The following NPEPPS variants were observed in gnomAD, a reference collection of about 807,000 sequenced individuals.
NPEPPS encodes aminopeptidase puromycin sensitive, also known as puromycin-sensitive aminopeptidase.
NPEPPS carries 14 observed loss-of-function variants against 115.5 expected under a neutral mutation model. That is an observed-to-expected ratio of 0.12 (90% CI 0.08 to 0.19). The LOEUF is 0.19. NPEPPS is among the 10% of genes least tolerant of loss of function. NPEPPS has a pLI of 1.00. For synonymous variants in NPEPPS, 285 were observed against 390.6 expected, an observed-to-expected ratio of 0.73 and a Z score of 3.19; for missense variants, 523 against 1,110.8, an observed-to-expected ratio of 0.47 and a Z score of 7.52.
Position 47,596,471 on chromosome 17 carries a change from A to G in NPEPPS, c.1536+9A>G, listed in dbSNP as rs768161947. On this transcript the variant is annotated intron_variant, in intron 13 of 22. Transcript: ENST00000322157. ...ATGTGGAAGCTGAACAGGTAAACAT[A>G]TAAAGTCTTTCCATTTGTCTGATAT... The G allele has an allele frequency of 2.1e-5, 32 of 1,511,458 alleles. No individual in the cohort carries two copies. In the East Asian group the frequency reaches 7.1e-4, roughly 33 times the overall value. 93.6% of individuals were successfully genotyped at this position (1,511,458 alleles called of 1,614,324 possible).
intron 14 of NPEPPS, among the ~76,000 whole-genome samples, chr17:47,600,032 C>T (rs1222946949): frequency 6.6e-6 from 1 of 152,064 alleles, no homozygotes; most frequent in African/African-American, 2.4e-5. Context: ...GTTGGCCAGA[C>T]TGGTCTTGAA....
chr17:47,572,964 T>TG (rs1479186201), intron 3 of NPEPPS, among the ~76,000 whole-genome samples: 8 of 152,208 alleles, frequency 5.3e-5, no homozygotes, highest in African/African-American at 1.7e-4. Flanking sequence ...TTAGTAGAGT[T>TG]GGGGTTTCAC....
intron 12 of NPEPPS, among the ~76,000 whole-genome samples, chr17:47,592,832 G>T (rs140762682): frequency 6.6e-6 from 1 of 152,104 alleles, no homozygotes; most frequent in Non-Finnish European, 1.5e-5. Flanking sequence ...ACATGTGCGG[G>T]CCATGTTGGT....
intron 1 of NPEPPS, among the ~76,000 whole-genome samples, chr17:47,542,697 C>T (rs1386860384): frequency 1.3e-5 from 2 of 152,178 alleles, no homozygotes; most frequent in Non-Finnish European, 2.9e-5. Context: ...CTATACTTAC[C>T]TGCCTCAGGA....
chr17:47,596,745 T>C (rs1405978532), intron 13 of NPEPPS, among the ~76,000 whole-genome samples: 2 of 152,204 alleles, frequency 1.3e-5, no homozygotes, highest in Non-Finnish European at 2.9e-5. Flanking sequence ...CAAGGTTGGT[T>C]TAACATTTTT....
intron 2 of NPEPPS, among the ~76,000 whole-genome samples, chr17:47,557,019 A>G (rs1301675447): frequency 1.3e-5 from 2 of 152,072 alleles, no homozygotes; most frequent in East Asian, 3.9e-4. Flanking sequence ...ATTGCTTTGT[A>G]GACCTCAGTT....
intron 19 of NPEPPS, 102 bp downstream of exon 19, chr17:47,613,827 A>G (rs1914023542): frequency 1.2e-6 from 1 of 816,338 alleles, no homozygotes; most frequent in South Asian, 1.6e-5. Flanking sequence ...TAGAAAAGAA[A>G]GATGCATATT....
chr17:47,531,560 A>G lies in NPEPPS; in HGVS notation c.255+5A>G. The stretch of plus-strand genomic sequence containing the variant: ...AAGCTGGAGGCCGCCGCCCAGGTAC[A>G]GCGACCCTCGGGCCCCGGGGCAAGC... On this transcript the variant is annotated splice_donor_5th_base_variant and intron_variant, in intron 1 of 22. Coordinates refer to ENST00000322157, the MANE Select transcript of NPEPPS (RefSeq NM_006310.4). The G allele has an allele frequency of 6.3e-7, 1 of 1,598,372 alleles. No homozygotes were observed. Among genetic ancestry groups the G allele is most frequent in the Non-Finnish European group, 8.5e-7 (1 of 1,174,392 alleles).
At chr17:47,581,059 C>T (rs1911846236) in intron 4 of NPEPPS, 2 of 152,160 alleles carry the variant, frequency 1.3e-5, no homozygotes, top group African/African-American at 4.8e-5. Context: ...GTAGTACAAT[C>T]AGCTTACAAT....
rs1038638721 is a variant in NPEPPS, at chr17:47,538,403, C to G, written c.255+6848C>G. 5.4e-5 allele frequency among the ~76,000 whole-genome samples: 8 copies of G among 148,698 alleles called. No homozygotes were observed. In the Admixed American group the frequency reaches 5.4e-4, roughly 10 times the overall value. On this transcript the variant is annotated intron_variant, in intron 1 of 22. Coordinates refer to ENST00000322157, the MANE Select transcript of NPEPPS (RefSeq NM_006310.4). The stretch of plus-strand genomic sequence containing the variant: ...CTAATTTTTGTATTTTTCTAGAGAC[C>G]AGGTTTCGCCATGTTAGCTAGGCTG...
intron 2 of NPEPPS, among the ~76,000 whole-genome samples, chr17:47,559,190 T>C (rs912767643): frequency 1.3e-5 from 2 of 152,152 alleles, no homozygotes; most frequent in African/African-American, 4.8e-5. Context: ...ACTACAGATA[T>C]ACGCTACCGT....
chr17:47,555,192 A>G (rs1358910837), intron 2 of NPEPPS, among the ~76,000 whole-genome samples: 1 of 152,190 alleles, frequency 6.6e-6, no homozygotes, highest in African/African-American at 2.4e-5. Flanking sequence ...AAGGACTACC[A>G]TCAAGATACT....
rs543559258 is a variant in NPEPPS, at chr17:47,538,202, C to CTTTTTTTTTTTTTTTTTTTTTT, written c.255+6649_255+6670dup. On this transcript the variant is annotated intron_variant, in intron 1 of 22. Transcript: ENST00000322157. ...GCCACCGCGCCTAGCCATATCTGTTCTTTTTTTTTTTTTTTTTTTTTTTGA... is the reference window on the plus strand; with the variant it reads ...GCCACCGCGCCTAGCCATATCTGTTCTTTTTTTTTTTTTTTTTTTTTTTTTTTTTTTTTTTTTTTTTTTTTGA... 3.2e-4 allele frequency among the ~76,000 whole-genome samples: 19 copies of CTTTTTTTTTTTTTTTTTTTTTT among 58,496 alleles called. 1 individual carries two copies. The highest frequency in any genetic ancestry group is 4.7e-4 in the Non-Finnish European group (14 of 29,668). The allele number at this position is 58,496 out of a possible 152,430, so 38.4% of individuals were successfully genotyped here. A position where few individuals can be genotyped will look rare whatever the true frequency, so the allele number is the denominator to read the frequency against.
At chr17:47,556,073 CTTTTTTT>C (rs747406184) in intron 2 of NPEPPS, among the ~76,000 whole-genome samples, 7 of 80,736 alleles carry the variant, frequency 8.7e-5, no homozygotes, top group East Asian at 3.5e-4. Flanking sequence ...AAGCAATTCT[CTTTTTTT>C]TTTTTTTTTT....
intron 1 of NPEPPS, among the ~76,000 whole-genome samples, chr17:47,535,622 T>C (rs1289530042): frequency 6.6e-6 from 1 of 151,036 alleles, no homozygotes; most frequent in East Asian, 1.9e-4. Context: ...AATTTGTTAT[T>C]ATACAGAAGT....
chr17:47,556,801 G>T (rs1453553839), intron 2 of NPEPPS, among the ~76,000 whole-genome samples: 1 of 152,092 alleles, frequency 6.6e-6, no homozygotes, highest in Non-Finnish European at 1.5e-5. Context: ...AGGCCACCAC[G>T]CCCGGCTAAT....
At chr17:47,604,908 C>T (rs1159949097) in intron 16 of NPEPPS, among the ~76,000 whole-genome samples, 1 of 152,202 alleles carries the variant, frequency 6.6e-6, no homozygotes, top group Non-Finnish European at 1.5e-5. Flanking sequence ...GCAGGTCCGG[C>T]TTTGAAAGAA....
At chr17:47,558,532 C>T (rs1340338309) in intron 2 of NPEPPS, among the ~76,000 whole-genome samples, 3 of 151,948 alleles carry the variant, frequency 2.0e-5, no homozygotes, top group African/African-American at 4.8e-5. Flanking sequence ...TGGGTTCAAG[C>T]GATTCTCCTG....
intron 17 of NPEPPS, among the ~76,000 whole-genome samples, chr17:47,606,583 G>A (rs895672712): frequency 2.6e-5 from 4 of 151,668 alleles, no homozygotes; most frequent in Admixed American, 6.6e-5. Flanking sequence ...TCAGCCTCCC[G>A]AGTAGCATAC....
Sources: allele counts gnomAD v4.1 joint callset (sites outside exome capture counted in the v4.1 genomes callset), GRCh38; gene constraint gnomAD v4.1.1; transcripts MANE v1.5; gene names NCBI Gene and HGNC (gene_info 2026-07-23, HGNC 2026-07-21).